The following CTTNBP2NL variants were observed in gnomAD, a reference collection of about 807,000 sequenced individuals.
CTTNBP2NL encodes the protein CTTNBP2 N-terminal-like protein.
A neutral mutation model predicts 32.5 loss-of-function variants in CTTNBP2NL; 16 were observed. The ratio of observed to expected loss-of-function variants is 0.49; its 90% CI spans 0.33 to 0.75. The LOEUF is 0.75. CTTNBP2NL is among the 30% of genes least tolerant of loss of function. The pLI is 0.02. For missense variants in CTTNBP2NL, 645 were observed against 756.0 expected (o/e 0.85, Z 1.72); for synonymous variants, 298 against 289.4 (o/e 1.03, Z -0.30).
intron 3 of CTTNBP2NL, among the ~76,000 whole-genome samples, chr1:112,425,886 T>C (rs916761877): frequency 2.0e-5 from 3 of 151,924 alleles, no homozygotes; most frequent in Non-Finnish European, 2.9e-5. Flanking sequence ...GTCGTTTCCA[T>C]TGGATTTTCT....
chr1:112,436,838 T>G (rs1286356482), intron 3 of CTTNBP2NL, among the ~76,000 whole-genome samples: 2 of 152,168 alleles, frequency 1.3e-5, no homozygotes, highest in East Asian at 3.9e-4. Flanking sequence ...CCAGTGTCTG[T>G]CGTTCCTCTC....
At chr1:112,411,685 AT>A (rs5777111) in intron 1 of CTTNBP2NL, among the ~76,000 whole-genome samples, 83,754 of 144,484 alleles carry the variant, frequency 0.58, 24,568 homozygotes, top group South Asian at 0.7. Flanking sequence ...TGTAATTATG[AT>A]TTTTTTTTTT....
intron 2 of CTTNBP2NL, among the ~76,000 whole-genome samples, chr1:112,415,611 C>T (rs987822982): frequency 3.3e-5 from 5 of 149,530 alleles, no homozygotes; most frequent in Non-Finnish European, 7.4e-5. Flanking sequence ...GGCTGGAGTA[C>T]AGTGGCGTGG....
intron 3 of CTTNBP2NL, among the ~76,000 whole-genome samples, chr1:112,445,555 G>T (rs765254338): frequency 1.9e-4 from 29 of 152,158 alleles, no homozygotes; most frequent in Non-Finnish European, 3.8e-4. Context: ...CCCCATATTA[G>T]AATGTACTTA....
At chr1:112,393,394 C>T (rs1257462768), upstream of CTTNBP2NL, among the ~76,000 whole-genome samples, 1 of 152,128 alleles carries the variant, frequency 6.6e-6, no homozygotes, top group Non-Finnish European at 1.5e-5. Flanking sequence ...AATTTTTAAG[C>T]ACTTTAAGTT....
In CTTNBP2NL at chr1:112,405,402, A is replaced by G. The variant is rs1648630520; in HGVS notation, c.-133-6792A>G. Among the ~76,000 whole-genome samples the G allele has an allele frequency of 2.6e-5, 4 of 152,216 alleles. No homozygotes were observed. The South Asian group carries it at 8.3e-4, about 32-fold the overall frequency. On this transcript the variant is annotated intron_variant, in intron 1 of 5. Transcript: ENST00000271277. Reference sequence around the variant, plus strand: ...AACCTCCACCTCCTGGGTTCAAGCGATTCTCTTTCCTCAGCCACCTGAGAA... The same window carrying G: ...AACCTCCACCTCCTGGGTTCAAGCGGTTCTCTTTCCTCAGCCACCTGAGAA...
Position 112,433,517 on chromosome 1 carries a change from G to A in CTTNBP2NL, c.100-15425G>A, listed in dbSNP as rs549964283. On this transcript the variant is annotated intron_variant, in intron 3 of 5. Coordinates refer to ENST00000271277, the MANE Select transcript of CTTNBP2NL (RefSeq NM_018704.3). Reference sequence around the variant, plus strand: ...TGAGGCAGGAGAATGGCTTAAACCCGGGAGGCACAGGTTGCAGTGAGCCAA... The same window carrying A: ...TGAGGCAGGAGAATGGCTTAAACCCAGGAGGCACAGGTTGCAGTGAGCCAA... Among the ~76,000 whole-genome samples the A allele has an allele frequency of 3.4e-4, 51 of 152,212 alleles. No individual in the cohort carries two copies. In the South Asian group the frequency reaches 9.6e-3, roughly 29 times the overall value.
At chr1:112,444,171 C>T (rs968965881) in intron 3 of CTTNBP2NL, among the ~76,000 whole-genome samples, 2 of 152,126 alleles carry the variant, frequency 1.3e-5, no homozygotes, top group Admixed American at 1.3e-4. Context: ...AAAATAAAAC[C>T]TTATAGTTGA....
chr1:112,446,926 T>A (rs746168601), intron 3 of CTTNBP2NL, among the ~76,000 whole-genome samples: 24 of 152,162 alleles, frequency 1.6e-4, no homozygotes, highest in Non-Finnish European at 2.5e-4. Flanking sequence ...CTAAATGGAC[T>A]GGAGGTTATT....
At chr1:112,455,271 C>T (rs1298770011) in intron 5 of CTTNBP2NL, among the ~76,000 whole-genome samples, 2 of 152,044 alleles carry the variant, frequency 1.3e-5, no homozygotes, top group East Asian at 1.9e-4. Flanking sequence ...TTTTGGAGGC[C>T]GAGGTGGGTG....
At chr1:112,405,037 A>G (rs1308461485) in intron 1 of CTTNBP2NL, among the ~76,000 whole-genome samples, 1 of 152,144 alleles carries the variant, frequency 6.6e-6, no homozygotes, top group Admixed American at 6.5e-5. Context: ...ATTGCACTCC[A>G]GGCTGGGCAA....
rs779863947 is a variant in CTTNBP2NL, at chr1:112,457,259, C to T, written c.1767C>T (p.Leu589=). Residue 589 remains leucine (L), a synonymous_variant, in exon 6 of 6, where the codon CTC becomes CTT. Coordinates refer to ENST00000271277, the MANE Select transcript of CTTNBP2NL (RefSeq NM_018704.3). The part of the protein sequence containing the change: ...PPPIPPKKPG[L]TPSPSATTPL... The stretch of plus-strand genomic sequence containing the variant: ...CCATCCCACCCAAGAAACCTGGCCT[C>T]ACCCCTTCTCCATCTGCTACCACTC... 3.1e-6 allele frequency: 5 copies of T among 1,614,086 alleles called. No homozygotes were observed. The South Asian group carries it at 3.3e-5, about 11-fold the overall frequency.
upstream of CTTNBP2NL, among the ~76,000 whole-genome samples, chr1:112,393,524 C>T (rs1648233258): frequency 6.6e-6 from 1 of 151,874 alleles, no homozygotes. Flanking sequence ...CATTTTTTAC[C>T]TCTGCGTACA....
At chr1:112,396,123 G>A (rs1042918548), upstream of CTTNBP2NL, 4 of 152,272 alleles carry the variant, frequency 2.6e-5, no homozygotes, top group Non-Finnish European at 4.4e-5. Context: ...TCCAGCCGGC[G>A]CGGATTGGGG....
intron 1 of CTTNBP2NL, among the ~76,000 whole-genome samples, chr1:112,409,954 C>T (rs920298452): frequency 6.6e-6 from 1 of 152,162 alleles, no homozygotes; most frequent in Non-Finnish European, 1.5e-5. Context: ...CCCATAACTT[C>T]TGACTGTTGG....
At chr1:112,409,224 T>C (rs1022406833) in intron 1 of CTTNBP2NL, among the ~76,000 whole-genome samples, 1 of 151,650 alleles carries the variant, frequency 6.6e-6, no homozygotes, top group Non-Finnish European at 1.5e-5. Flanking sequence ...TCACCAATAC[T>C]AAAAACTCAC....
chr1:112,443,196 A>T (rs1649945219), intron 3 of CTTNBP2NL, among the ~76,000 whole-genome samples: 1 of 152,200 alleles, frequency 6.6e-6, no homozygotes, highest in Admixed American at 6.5e-5. Flanking sequence ...GAATATTTGA[A>T]GTTCATTCTA....
At chr1:112,423,650 C>G (rs1330123127) in intron 3 of CTTNBP2NL, among the ~76,000 whole-genome samples, 3 of 151,824 alleles carry the variant, frequency 2.0e-5, no homozygotes, top group African/African-American at 7.2e-5. Context: ...TTAACCTTGT[C>G]TCATTTCATT....
chr1:112,408,228 T>TA (rs1277590999), intron 1 of CTTNBP2NL, among the ~76,000 whole-genome samples: 2 of 143,826 alleles, frequency 1.4e-5, no homozygotes, highest in African/African-American at 5.2e-5. Context: ...TAATTTTTTT[T>TA]TTTTTTTTTT....
Sources: allele counts gnomAD v4.1 joint callset (sites outside exome capture counted in the v4.1 genomes callset), GRCh38; gene constraint gnomAD v4.1.1; transcripts MANE v1.5; gene names NCBI Gene and HGNC (gene_info 2026-07-23, HGNC 2026-07-21).